Variants in FAT3 observed in about 807,000 individuals in gnomAD.
The protein encoded by FAT3 is protocadherin Fat 3.
Under a neutral mutation model 310.2 loss-of-function variants are expected in FAT3, and 95 were observed. The observed-to-expected ratio is 0.31, with a 90% CI of 0.26 to 0.36. The LOEUF (loss-of-function observed/expected upper bound fraction) is 0.36. FAT3 is among the 10% of genes least tolerant of loss of function. The pLI is 1.00. For missense variants in FAT3, 5,408 were observed against 5,715.6 expected, an observed-to-expected ratio of 0.95 and a Z score of 1.74; for synonymous variants, 2,314 against 2,192.9, an observed-to-expected ratio of 1.06 and a Z score of -1.54.
At chr11:92,379,219 G>A (rs12295863) in intron 2 of FAT3, among the ~76,000 whole-genome samples, 11,717 of 152,038 alleles carry the variant, frequency 0.077, 657 homozygotes, top group African/African-American at 0.15. Flanking sequence ...TATAATAAGT[G>A]AGTTATTTTA....
chr11:92,532,159 A>G (rs964709020), intron 3 of FAT3, among the ~76,000 whole-genome samples: 1 of 152,066 alleles, frequency 6.6e-6, no homozygotes, highest in Non-Finnish European at 1.5e-5. Context: ...ATGTATGTGT[A>G]CATATATATG....
intron 2 of FAT3, among the ~76,000 whole-genome samples, chr11:92,378,781 A>C (rs954480877): frequency 6.6e-6 from 1 of 152,222 alleles, no homozygotes; most frequent in Non-Finnish European, 1.5e-5. Context: ...GTCTAAGTGC[A>C]AGGAGCCGAC....
intron 1 of FAT3, among the ~76,000 whole-genome samples, chr11:92,294,204 G>T (rs1264750333): frequency 6.6e-6 from 1 of 152,006 alleles, no homozygotes; most frequent in Non-Finnish European, 1.5e-5. Flanking sequence ...CATGCATGCA[G>T]AAAGAAAGAA....
At chr11:92,397,945 A>G (rs1393298181) in intron 2 of FAT3, among the ~76,000 whole-genome samples, 1 of 152,152 alleles carries the variant, frequency 6.6e-6, no homozygotes. Flanking sequence ...ATACTCATGT[A>G]CACAAGGACC....
At chr11:92,733,009 G>A (rs934103425) in intron 4 of FAT3, among the ~76,000 whole-genome samples, 4 of 152,190 alleles carry the variant, frequency 2.6e-5, no homozygotes, top group Non-Finnish European at 5.9e-5. Context: ...CACCGCACAG[G>A]ATGTTCCAGA....
At chr11:92,465,927 T>TA (rs1951748610) in intron 2 of FAT3, among the ~76,000 whole-genome samples, 1 of 151,996 alleles carries the variant, frequency 6.6e-6, no homozygotes, top group African/African-American at 2.4e-5. Flanking sequence ...TTCCTAAGAG[T>TA]AAAACATCAA....
At chr11:92,454,507 T>A (rs1178720425) in intron 2 of FAT3, among the ~76,000 whole-genome samples, 1 of 152,168 alleles carries the variant, frequency 6.6e-6, no homozygotes, top group Non-Finnish European at 1.5e-5. Context: ...TTCATCCCAC[T>A]CCATTGTCAA....
intron 2 of FAT3, among the ~76,000 whole-genome samples, chr11:92,444,132 C>A (rs537757369): frequency 6.6e-6 from 1 of 152,176 alleles, no homozygotes; most frequent in East Asian, 1.9e-4. Flanking sequence ...TATTGTGAAC[C>A]ATATAAATGA....
At chr11:92,314,645 A>G (rs1423431131) in intron 1 of FAT3, among the ~76,000 whole-genome samples, 1 of 152,152 alleles carries the variant, frequency 6.6e-6, no homozygotes, top group Non-Finnish European at 1.5e-5. Context: ...TTATTTCACC[A>G]CTGAACTTGC....
At chr11:92,837,053 A>G (rs1301909770) in intron 16 of FAT3, among the ~76,000 whole-genome samples, 2 of 152,196 alleles carry the variant, frequency 1.3e-5, no homozygotes, top group African/African-American at 4.8e-5. Flanking sequence ...GAGCAGGTAC[A>G]AAAAGATCAC....
intron 2 of FAT3, among the ~76,000 whole-genome samples, chr11:92,511,977 G>A (rs1231448668): frequency 1.3e-5 from 2 of 152,104 alleles, no homozygotes; most frequent in Non-Finnish European, 2.9e-5. Flanking sequence ...CAAGAACTTG[G>A]AATTGCCTTC....
At chr11:92,246,505 A>G (rs1864914374) in intron 1 of FAT3, among the ~76,000 whole-genome samples, 1 of 152,082 alleles carries the variant, frequency 6.6e-6, no homozygotes, top group Non-Finnish European at 1.5e-5. Context: ...GGAAAAGGGG[A>G]ACTATTTGCT....
At chr11:92,773,093 ACTCATGCTTAAT>A (rs1447078732) in intron 6 of FAT3, among the ~76,000 whole-genome samples, 1 of 152,142 alleles carries the variant, frequency 6.6e-6, no homozygotes, top group East Asian at 1.9e-4. Flanking sequence ...GTGAACATAC[ACTCATGCTTAAT>A]TAAAATTGTT....
intron 3 of FAT3, among the ~76,000 whole-genome samples, chr11:92,564,196 A>G (rs1449313839): frequency 2.0e-5 from 3 of 152,176 alleles, no homozygotes; most frequent in Non-Finnish European, 2.9e-5. Flanking sequence ...AGGAAGATCT[A>G]TCAAACAAAT....
intron 3 of FAT3, among the ~76,000 whole-genome samples, chr11:92,651,862 A>G (rs569473753): frequency 1.3e-5 from 2 of 152,306 alleles, no homozygotes; most frequent in Non-Finnish European, 2.9e-5. Context: ...TAAGTGTTTG[A>G]CGTTGTGTCT....
At chr11:92,573,659 G>T (rs1224829276) in intron 3 of FAT3, among the ~76,000 whole-genome samples, 3 of 152,068 alleles carry the variant, frequency 2.0e-5, no homozygotes. Context: ...AGAGAAGAAG[G>T]CCATGTGAAG....
intron 1 of FAT3, among the ~76,000 whole-genome samples, chr11:92,345,324 A>G (rs1364416176): frequency 2.6e-5 from 4 of 152,310 alleles, no homozygotes; most frequent in Admixed American, 2.0e-4. Flanking sequence ...TCAAGGAGCT[A>G]TGGTCCAATG....
intron 13 of FAT3, among the ~76,000 whole-genome samples, chr11:92,818,695 G>A (rs1472954423): frequency 6.6e-6 from 1 of 152,152 alleles, no homozygotes; most frequent in East Asian, 1.9e-4. Context: ...CGAGCCTTTA[G>A]TTTCCTCTTC....
At chr11:92,806,545 G>T in intron 12 of FAT3, 30 bp downstream of exon 12, 1 of 1,515,538 alleles carries the variant, frequency 6.6e-7, no homozygotes. Flanking sequence ...TGAGATAAAT[G>T]TCATTGTTAA....
Sources: allele counts gnomAD v4.1 joint callset (sites outside exome capture counted in the v4.1 genomes callset), GRCh38; gene constraint gnomAD v4.1.1; transcripts MANE v1.5; gene names NCBI Gene and HGNC (gene_info 2026-07-23, HGNC 2026-07-21).